The following CREM variants were observed in gnomAD, a reference collection of about 807,000 sequenced individuals.
CREM encodes the protein cAMP responsive element modulator, also known as cAMP-responsive element modulator.
A neutral mutation model predicts 37.3 loss-of-function variants in CREM; 13 were observed. The observed-to-expected ratio is 0.35, with a 90% CI of 0.23 to 0.55. CREM has a LOEUF of 0.55. Ranked by LOEUF, CREM falls within the 20% of genes least tolerant of loss-of-function variation. CREM has a pLI of 0.88. For missense variants in CREM, 296 were observed against 362.3 expected (o/e 0.82, Z 1.49); for synonymous variants, 124 against 120.2 (o/e 1.03, Z -0.21).
chr10:35,129,802 A>G (rs540583489), intron 1 of CREM, among the ~76,000 whole-genome samples: 2 of 152,240 alleles, frequency 1.3e-5, no homozygotes, highest in Non-Finnish European at 2.9e-5. Context: ...TATTGTTTCT[A>G]CTTAAGTAAA....
intron 1 of CREM, among the ~76,000 whole-genome samples, chr10:35,129,019 C>A (rs2088761133): frequency 6.6e-6 from 1 of 152,160 alleles, no homozygotes; most frequent in African/African-American, 2.4e-5. Flanking sequence ...ACAGCTTTAA[C>A]AAATATATTA....
intron 3 of CREM, among the ~76,000 whole-genome samples, chr10:35,156,752 A>G (rs550215388): frequency 1.3e-5 from 2 of 152,194 alleles, no homozygotes; most frequent in Non-Finnish European, 2.9e-5. Flanking sequence ...GTTTTCTTAA[A>G]AGGTATAGGG....
Position 35,188,366 on chromosome 10 carries a change from A to G in CREM, c.576A>G (p.Pro192=). Residue 192 remains proline (P), a synonymous_variant, in exon 6 of 8, where the codon CCA becomes CCG. Coordinates refer to ENST00000685392, the MANE Select transcript of CREM (RefSeq NM_183011.2). ...SADGTQQFFV[P]GSQVVVQAAT... ...ATGGCACACAGCAGTTCTTTGTCCC[A>G]GGCAGCCAGGTTGTTGTTCAAGGTA... 6.2e-7 allele frequency: 1 copy of G among 1,612,048 alleles called. No homozygotes were observed. The highest frequency in any genetic ancestry group is 1.1e-5 in the South Asian group (1 of 90,492).
chr10:35,209,304 C>T, intron 7 of CREM: 1 of 985,368 alleles, frequency 1.0e-6, no homozygotes, highest in Non-Finnish European at 1.2e-6. Flanking sequence ...GTTTTTATTT[C>T]TTTCCAGCCT....
intron 6 of CREM, among the ~76,000 whole-genome samples, chr10:35,192,336 TGTTTTGTTTTGTTTC>T (rs1219028905): frequency 1.8e-4 from 27 of 152,118 alleles, no homozygotes; most frequent in African/African-American, 6.5e-4. Flanking sequence ...GCATTGCACT[TGTTTTGTTTTGTTTC>T]GTTTTGTTTT....
chr10:35,205,711 C>T (rs573680940), intron 6 of CREM, among the ~76,000 whole-genome samples: 6 of 152,338 alleles, frequency 3.9e-5, no homozygotes, highest in Admixed American at 1.3e-4. Context: ...GTAATCCCAA[C>T]ACTTTGCGAG....
intron 2 of CREM, among the ~76,000 whole-genome samples, chr10:35,145,519 C>G (rs931724972): frequency 6.6e-6 from 1 of 152,190 alleles, no homozygotes; most frequent in South Asian, 2.1e-4. Context: ...ATGGCTCACG[C>G]CTAGTAATCC....
chr10:35,186,535 T>C (rs1436163876), intron 5 of CREM, among the ~76,000 whole-genome samples: 1 of 150,540 alleles, frequency 6.6e-6, no homozygotes, highest in Non-Finnish European at 1.5e-5. Flanking sequence ...AGGATTCTCC[T>C]GACATAGACA....
At chr10:35,156,895 A>G (rs1314315955) in intron 3 of CREM, among the ~76,000 whole-genome samples, 4 of 152,246 alleles carry the variant, frequency 2.6e-5, no homozygotes, top group Admixed American at 6.5e-5. Flanking sequence ...TTTGGCAGAT[A>G]ATAACTATTT....
intron 2 of CREM, among the ~76,000 whole-genome samples, chr10:35,141,571 T>C (rs115264811): frequency 0.014 from 2,145 of 152,196 alleles, 52 homozygotes; most frequent in African/African-American, 0.049. Context: ...GTAGAAAGTT[T>C]GTGGAGGAAG....
rs2095667949 is a variant in CREM, at chr10:35,211,710, G to A, written c.*312G>A. On this transcript the variant is annotated 3_prime_UTR_variant, in exon 8 of 8. Transcript: ENST00000685392. The stretch of plus-strand genomic sequence containing the variant: ...AGAAAGAATATGTAAAATGTCTGGA[G>A]AGCCGAGTTGCAGTGCTGGAAGTCC... 6.2e-7 allele frequency: 1 copy of A among 1,613,928 alleles called. No individual in the cohort carries two copies. The highest frequency in any genetic ancestry group is 8.5e-7 in the Non-Finnish European group (1 of 1,180,016).
intron 7 of CREM, among the ~76,000 whole-genome samples, chr10:35,208,384 T>G (rs1428023722): frequency 1.3e-5 from 2 of 152,214 alleles, no homozygotes; most frequent in African/African-American, 4.8e-5. Context: ...TTTTTAAAAA[T>G]TTAAACATAA....
chr10:35,147,394 A>G (rs949967669), intron 2 of CREM, among the ~76,000 whole-genome samples: 10 of 151,940 alleles, frequency 6.6e-5, no homozygotes, highest in Middle Eastern at 3.2e-3. Context: ...TTTTGTTTAT[A>G]TTTTAACAGG....
At chr10:35,142,849 C>A (rs1357682817) in intron 2 of CREM, among the ~76,000 whole-genome samples, 1 of 152,142 alleles carries the variant, frequency 6.6e-6, no homozygotes, top group Non-Finnish European at 1.5e-5. Flanking sequence ...CTCATGTGAT[C>A]CTTCTGCCTT....
chr10:35,140,833 G>T (rs1235125709), intron 2 of CREM, among the ~76,000 whole-genome samples: 1 of 152,158 alleles, frequency 6.6e-6, no homozygotes, highest in African/African-American at 2.4e-5. Flanking sequence ...AGATGTAAAA[G>T]ATTAAAACTG....
Position 35,175,695 on chromosome 10 carries a change from A to G in CREM, c.169-3194A>G, listed in dbSNP as rs767982309. On this transcript the variant is annotated intron_variant, in intron 3 of 7. Coordinates refer to ENST00000685392, the MANE Select transcript of CREM (RefSeq NM_183011.2). The stretch of plus-strand genomic sequence containing the variant: ...AAATGACTGTTCCAGGACAGTAACC[A>G]CCTCCCGATGGTAAGTATCCTAGAT... The G allele has an allele frequency of 3.7e-6, 6 of 1,613,898 alleles. No individual in the cohort carries two copies. In the African/African-American group the frequency reaches 5.3e-5, roughly 14 times the overall value.
Position 35,196,051 on chromosome 10 carries a change from A to G in CREM, c.598+7663A>G. On this transcript the variant is annotated intron_variant, in intron 6 of 7. Coordinates refer to ENST00000685392, the MANE Select transcript of CREM (RefSeq NM_183011.2). ...TGCTTGAAGAGGGAAACACGTCATG[A>G]AACTGTAATGCATGAACAGAACTCA... 5 of 1,614,100 alleles carry G rather than the reference A, an allele frequency of 3.1e-6. No homozygotes were observed. In the East Asian group the frequency reaches 1.1e-4, roughly 36 times the overall value.
intron 6 of CREM, among the ~76,000 whole-genome samples, chr10:35,189,489 CTTGTTTGT>C (rs140588867): frequency 2.3e-4 from 34 of 150,810 alleles, no homozygotes; most frequent in Admixed American, 5.9e-4. Context: ...AATTTGCTTG[CTTGTTTGT>C]TTGTTTGTTT....
chr10:35,167,490 A>G (rs574538790), intron 3 of CREM: 142 of 498,520 alleles, frequency 2.8e-4, no homozygotes, highest in African/African-American at 2.5e-3. Context: ...TAGCTTTGTG[A>G]CATGTGCAGC....
Sources: gnomAD v4.1 joint callset for allele counts (sites outside exome capture counted in the v4.1 genomes callset) on GRCh38, gnomAD v4.1.1 for gene constraint, MANE v1.5 for transcripts, NCBI Gene and HGNC (gene_info 2026-07-23, HGNC 2026-07-21) for gene names.